Variants in ELN observed in about 807,000 individuals in gnomAD.
ELN encodes tropoelastin.
A neutral mutation model predicts 105.8 loss-of-function variants in ELN; 65 were observed. That is an observed-to-expected ratio of 0.61 (90% CI 0.50 to 0.75). ELN has a LOEUF of 0.75. Ranked by LOEUF, ELN falls within the 30% of genes least tolerant of loss-of-function variation. The probability of loss-of-function intolerance (pLI) is 0.00; values close to 1 mark genes in which losing one functional copy is unlikely to be tolerated. For missense variants in ELN, 882 were observed against 969.4 expected (o/e 0.91, Z 1.20); for synonymous variants, 368 against 389.2 (o/e 0.95, Z 0.64).
chr7:74,051,488 C>CA (rs1794016816), intron 15 of ELN, among the ~76,000 whole-genome samples: 1 of 152,204 alleles, frequency 6.6e-6, no homozygotes, highest in South Asian at 2.1e-4. Context: ...TGTGGTTTCT[C>CA]AGTATGTGGC....
At chr7:74,053,869 G>A (rs1554677961) in intron 18 of ELN, among the ~76,000 whole-genome samples, 3 of 151,956 alleles carry the variant, frequency 2.0e-5, no homozygotes, top group Admixed American at 6.6e-5. Flanking sequence ...GTGGATGGAT[G>A]GGGGCATGGA....
intron 15 of ELN, among the ~76,000 whole-genome samples, chr7:74,051,218 G>A (rs1793949955): frequency 6.6e-6 from 1 of 152,210 alleles, no homozygotes; most frequent in Non-Finnish European, 1.5e-5. Flanking sequence ...GCCCGAGAGA[G>A]CGAGAATGTG....
In ELN at chr7:74,057,318, A is replaced by G. The variant is rs1048497617; in HGVS notation, c.1358-322A>G. On this transcript the variant is annotated intron_variant, in intron 21 of 32. Transcript: ENST00000252034. ...TCTTCTTCCTCCGATTCTCCCACCC[A>G]CCCTTGCTCCCCCAAAAAGTGAGTA... 3.3e-5 allele frequency: 44 copies of G among 1,318,872 alleles called. No individual in the cohort carries two copies. In the Middle Eastern group the frequency reaches 1.0e-3, roughly 31 times the overall value. 81.7% of individuals were successfully genotyped at this position (1,318,872 alleles called of 1,614,324 possible).
chr7:74,042,480 G>A, intron 5 of ELN, 134 bp from the exon 6 acceptor site: 2 of 735,640 alleles, frequency 2.7e-6, no homozygotes, highest in South Asian at 3.3e-5. Context: ...ATGTCCTGCA[G>A]GCATTGATGT....
intron 12 of ELN, 114 bp downstream of exon 12, chr7:74,046,881 C>T: frequency 8.3e-7 from 1 of 1,203,300 alleles, no homozygotes; most frequent in Non-Finnish European, 1.2e-6. Flanking sequence ...GTCAGGAGTT[C>T]AAGACTAGCC....
chr7:74,037,500 C>T (rs1790249808), intron 3 of ELN, among the ~76,000 whole-genome samples: 1 of 152,180 alleles, frequency 6.6e-6, no homozygotes, highest in Non-Finnish European at 1.5e-5. Context: ...AGCCCATCAT[C>T]CCCTTTTGAG....
chr7:74,061,005 C>G, intron 25 of ELN, 96 bp from the exon 26 acceptor site: 1 of 1,465,372 alleles, frequency 6.8e-7, no homozygotes, highest in African/African-American at 1.4e-5. Flanking sequence ...GCAATAGAGG[C>G]CAAGGAAGTC....
At chr7:74,053,959 C>T (rs1554678023) in intron 18 of ELN, among the ~76,000 whole-genome samples, 3 of 150,080 alleles carry the variant, frequency 2.0e-5, no homozygotes, top group South Asian at 2.1e-4. Flanking sequence ...AATGAAAGAA[C>T]GGGTGGATGA....
chr7:74,064,965 G>T (rs1797618364), intron 29 of ELN, among the ~76,000 whole-genome samples: 1 of 152,162 alleles, frequency 6.6e-6, no homozygotes, highest in African/African-American at 2.4e-5. Context: ...TTGGGGCCGG[G>T]CATGGTGGCT....
At chr7:74,044,196 G>A (rs1791924319) in intron 9 of ELN, among the ~76,000 whole-genome samples, 1 of 152,026 alleles carries the variant, frequency 6.6e-6, no homozygotes, top group Non-Finnish European at 1.5e-5. Flanking sequence ...AGCTACGATG[G>A]TGCCACTGCA....
rs556472968 is a variant in ELN, at chr7:74,046,076, G to A, written c.542-112G>A. ...CAGAGTTCATGTGAGCGCAGCATGC[G>A]ATGACTGGTCTGGGAAGAACTGGCC... On this transcript the variant is annotated intron_variant, in intron 10 of 32. Coordinates refer to ENST00000252034, the MANE Select transcript of ELN (RefSeq NM_000501.4). 3.1e-5 allele frequency: 44 copies of A among 1,435,296 alleles called. No individual in the cohort carries two copies. In the East Asian group the frequency reaches 5.0e-4, roughly 16 times the overall value. 88.9% of individuals were successfully genotyped at this position (1,435,296 alleles called of 1,614,324 possible).
rs1487649993 is a variant in ELN, at chr7:74,068,702, C to T, written c.*2C>T. Reference sequence around the variant, plus strand: ...GCTTGTGGCCGGAAGAGAAAATGAGCTTCCTAGGACCCCTGACTCACGACC... The same window carrying T: ...GCTTGTGGCCGGAAGAGAAAATGAGTTTCCTAGGACCCCTGACTCACGACC... On this transcript the variant is annotated 3_prime_UTR_variant, in exon 33 of 33. Coordinates refer to ENST00000252034, the MANE Select transcript of ELN (RefSeq NM_000501.4). The T allele has an allele frequency of 6.2e-7, 1 of 1,613,994 alleles. No homozygotes were observed. Among genetic ancestry groups the T allele is most frequent in the South Asian group, 1.1e-5 (1 of 91,090 alleles).
Position 74,057,655 on chromosome 7 carries a change from C to A in ELN, c.1373C>A (p.Ala458Glu), listed in dbSNP as rs149117932. Reference protein sequence around the residue: ...KAAKYGVGTPAAAAAKAAAKA... With the variant: ...KAAKYGVGTPEAAAAKAAAKA... ...ACACCTCCAGGAGTGGGGACCCCAG[C>A]AGCTGCAGCTGCTAAAGCAGCCGCC... is the stretch of plus-strand genomic sequence containing the variant. The change falls in exon 22 of 33, where the codon GCA (alanine) becomes GAA (glutamate). Residue 458 changes from alanine (A) to glutamate (E), a missense_variant. Coordinates refer to ENST00000252034, the MANE Select transcript of ELN (RefSeq NM_000501.4). 52 of 1,613,808 alleles carry A rather than the reference C, an allele frequency of 3.2e-5. No individual in the cohort carries two copies. The African/African-American group carries it at 6.4e-4, about 20-fold the overall frequency.
chr7:74,029,713 C>G (rs541896103), intron 1 of ELN, among the ~76,000 whole-genome samples: 1 of 152,216 alleles, frequency 6.6e-6, no homozygotes, highest in African/African-American at 2.4e-5. Context: ...GCAGCAGCCC[C>G]GGGTCCGTCT....
At chr7:74,044,415 C>T (rs1791976517) in intron 9 of ELN, among the ~76,000 whole-genome samples, 1 of 152,138 alleles carries the variant, frequency 6.6e-6, no homozygotes, top group African/African-American at 2.4e-5. Flanking sequence ...TCCGTCCATC[C>T]CCTGAAGGTC....
At position 74,063,180 on chromosome 7, in the gene ELN, G is replaced by A. The variant is rs1797062075; in HGVS notation, c.1814G>A (p.Gly605Glu). The A allele has an allele frequency of 6.2e-7, 1 of 1,609,532 alleles. No individual in the cohort carries two copies. The highest frequency in any genetic ancestry group is 8.5e-7 in the Non-Finnish European group (1 of 1,178,906). The stretch of plus-strand genomic sequence containing the variant: ...GCAGCAGTGCCTGGGGTCCTTGGAG[G>A]GCTCGGGGCTCTCGGTGGAGTAGGC... Reference protein sequence around the residue: ...YGAAVPGVLGGLGALGGVGIP... With the variant: ...YGAAVPGVLGELGALGGVGIP... Residue 605 changes from glycine to glutamate, a missense_variant, in exon 27 of 33, where the codon GGG (glycine) becomes GAG (glutamate). Gly to Glu is a moderately conservative substitution (Grantham distance 98, BLOSUM62 -2). Coordinates refer to ENST00000252034, the MANE Select transcript of ELN (RefSeq NM_000501.4). This position sits in a 1 kb window ranked among gnomAD's most constrained non-coding sequence, Gnocchi z 4.1.
chr7:74,063,583 T>G lies in ELN; in HGVS notation c.1919-38T>G, dbSNP rs373111031. The G allele has an allele frequency of 2.5e-6, 4 of 1,613,940 alleles. No individual in the cohort carries two copies. In the African/African-American group the frequency reaches 5.3e-5, roughly 22 times the overall value. On this transcript the variant is annotated intron_variant, in intron 28 of 32. Coordinates refer to ENST00000252034, the MANE Select transcript of ELN (RefSeq NM_000501.4). The surrounding 1 kb of genome is among the most constrained non-coding windows in gnomAD (Gnocchi z 4.1). ...CAGGCCGAGGCTTCAGTCCCACCTT[T>G]CTGACCAGCGGAGTCTAATGCTCAG...
intron 4 of ELN, among the ~76,000 whole-genome samples, chr7:74,038,540 G>A (rs782770564): frequency 2.0e-5 from 3 of 152,252 alleles, no homozygotes; most frequent in Non-Finnish European, 4.4e-5. Context: ...CTCAGCTCTG[G>A]GGAATGCACC....
At chr7:74,044,496 C>T (rs1791996156) in intron 9 of ELN, among the ~76,000 whole-genome samples, 1 of 152,128 alleles carries the variant, frequency 6.6e-6, no homozygotes, top group Admixed American at 6.5e-5. Flanking sequence ...CGAGGCGGGC[C>T]CCCGAGGACA....
Sources: allele counts gnomAD v4.1 joint callset (sites outside exome capture counted in the v4.1 genomes callset), GRCh38; gene constraint gnomAD v4.1.1; non-coding constraint Gnocchi (gnomAD v3.1); transcripts MANE v1.5; gene names NCBI Gene and HGNC (gene_info 2026-07-23, HGNC 2026-07-21).